HCN1: variants seen among roughly 807,000 people sequenced by gnomAD.
The protein encoded by HCN1 is potassium/sodium hyperpolarization-activated cyclic nucleotide-gated channel 1.
In HCN1, 13 loss-of-function variants were observed where a neutral mutation model predicts 78.9. The ratio of observed to expected loss-of-function variants is 0.16; its 90% CI spans 0.11 to 0.26. The LOEUF is 0.26. HCN1 is among the 10% of genes least tolerant of loss of function. The pLI, the probability that HCN1 is intolerant of heterozygous loss-of-function variation, is 1.00. For missense variants in HCN1, 810 were observed against 1,154.3 expected (o/e 0.70, Z 4.32); for synonymous variants, 552 against 455.5 (o/e 1.21, Z -2.70).
intron 3 of HCN1, among the ~76,000 whole-genome samples, chr5:45,429,896 G>A (rs1740428665): frequency 6.6e-6 from 1 of 152,088 alleles, no homozygotes. Context: ...GGGAGAAGTG[G>A]TGGGGATAGA....
intron 4 of HCN1, among the ~76,000 whole-genome samples, chr5:45,384,944 T>C (rs1307365978): frequency 6.6e-5 from 10 of 152,162 alleles, no homozygotes; most frequent in Non-Finnish European, 1.3e-4. Context: ...ATGAGGATCA[T>C]AAATAGAAAA....
At chr5:45,515,963 A>T (rs781594930) in intron 2 of HCN1, among the ~76,000 whole-genome samples, 1 of 152,072 alleles carries the variant, frequency 6.6e-6, no homozygotes, top group Middle Eastern at 3.4e-3. Flanking sequence ...ACAGAGAATG[A>T]CCCTTTCTGA....
rs937407870 is a variant in HCN1 at position 45,258,065 on chromosome 5, A to G, written c.*3856T>C. 2 of 152,192 alleles carry G rather than the reference A, an allele frequency of 1.3e-5. No individual in the cohort carries two copies. The highest frequency in any genetic ancestry group is 2.9e-5 in the Non-Finnish European group (2 of 68,040). The allele number at this position is 152,192 out of a possible 1,614,324, so 9.4% of individuals were successfully genotyped here. ...ACATGTTCTAAAAAGATAAAGATATAATGGAGAGATATCTCATTCAAACAG... is the reference window on the plus strand; with the variant it reads ...ACATGTTCTAAAAAGATAAAGATATGATGGAGAGATATCTCATTCAAACAG... On this transcript the variant is annotated 3_prime_UTR_variant, in exon 8 of 8. Coordinates refer to ENST00000303230, the MANE Select transcript of HCN1 (RefSeq NM_021072.4).
intron 2 of HCN1, among the ~76,000 whole-genome samples, chr5:45,596,002 G>A (rs1344059151): frequency 3.3e-5 from 5 of 151,064 alleles, no homozygotes; most frequent in Admixed American, 6.6e-5. Context: ...ACATTCTCCC[G>A]CCCCCGCCTC....
chr5:45,546,448 T>G (rs1042744956), intron 2 of HCN1, among the ~76,000 whole-genome samples: 3 of 151,922 alleles, frequency 2.0e-5, no homozygotes, highest in Non-Finnish European at 4.4e-5. Flanking sequence ...TCTGGACCAT[T>G]TAGAAATTCT....
At chr5:45,355,550 A>T (rs1746991346) in intron 4 of HCN1, among the ~76,000 whole-genome samples, 1 of 151,944 alleles carries the variant, frequency 6.6e-6, no homozygotes, top group African/African-American at 2.4e-5. Flanking sequence ...CGTGGGGGAA[A>T]CAAAGTAAAT....
intron 2 of HCN1, among the ~76,000 whole-genome samples, chr5:45,619,642 T>C (rs1037654291): frequency 2.7e-5 from 4 of 149,804 alleles, no homozygotes; most frequent in African/African-American, 7.3e-5. Context: ...ATGAGGGAGA[T>C]AGAAAAAAAA....
intron 5 of HCN1, among the ~76,000 whole-genome samples, chr5:45,351,892 G>T (rs980885293): frequency 3.3e-5 from 5 of 152,116 alleles, no homozygotes; most frequent in African/African-American, 9.7e-5. Context: ...TACTGGAGAG[G>T]ATGTGGAGAA....
At chr5:45,352,474 TGTAA>T (rs753448031) in intron 5 of HCN1, among the ~76,000 whole-genome samples, 14 of 152,076 alleles carry the variant, frequency 9.2e-5, no homozygotes, top group Non-Finnish European at 1.6e-4. Context: ...TGTATACATA[TGTAA>T]GTAACGTGCG....
At chr5:45,641,386 A>T (rs1427172900) in intron 2 of HCN1, among the ~76,000 whole-genome samples, 5 of 152,116 alleles carry the variant, frequency 3.3e-5, no homozygotes, top group African/African-American at 1.2e-4. Flanking sequence ...AAAATCTAAT[A>T]TTGGTTTCAA....
chr5:45,494,542 T>G (rs1408990862), intron 2 of HCN1, among the ~76,000 whole-genome samples: 2 of 152,036 alleles, frequency 1.3e-5, no homozygotes, highest in South Asian at 2.1e-4. Flanking sequence ...TTCTCCCATT[T>G]TGTGGGTTGC....
At chr5:45,653,670 T>C (rs1001609053) in intron 1 of HCN1, among the ~76,000 whole-genome samples, 2 of 152,048 alleles carry the variant, frequency 1.3e-5, no homozygotes, top group Non-Finnish European at 2.9e-5. Flanking sequence ...ATTATAGCAT[T>C]ACACAATTCT....
chr5:45,366,023 A>G (rs1233125641), intron 4 of HCN1, among the ~76,000 whole-genome samples: 1 of 151,896 alleles, frequency 6.6e-6, no homozygotes, highest in East Asian at 1.9e-4. Context: ...ATCTAGAGAT[A>G]CTATTTCACA....
chr5:45,338,595 C>T (rs969340907), intron 5 of HCN1, among the ~76,000 whole-genome samples: 2 of 150,754 alleles, frequency 1.3e-5, no homozygotes, highest in African/African-American at 2.5e-5. Flanking sequence ...CTTCTATGTG[C>T]CAGGCACTTT....
chr5:45,312,635 G>A (rs1302086434), intron 5 of HCN1, among the ~76,000 whole-genome samples: 1 of 152,232 alleles, frequency 6.6e-6, no homozygotes, highest in East Asian at 1.9e-4. Context: ...AGCTGTGACA[G>A]ACAGCACCTG....
rs980130181 is a variant in HCN1, at chr5:45,695,809, C to G, written c.285G>C (p.Gln95His). ...EGPRRQYGFM[Q>H]RQFTSMLQPG... ...GCTGCAGCATGGAGGTGAACTGCCT[C>G]TGCATGAAGCCGTACTGCCGCCGGG... The change falls in exon 1 of 8, where the codon CAG (glutamine) becomes CAC (histidine). Residue 95 changes from glutamine to histidine, a missense_variant. Gln to His is a conservative substitution (Grantham distance 24). This residue lies in a region of HCN1 where 170 missense variants were observed against 166.8 expected (regional missense o/e 1.02). Transcript: ENST00000303230. The G allele has an allele frequency of 1.2e-6, 2 of 1,609,862 alleles. No homozygotes were observed. Among genetic ancestry groups the G allele is most frequent in the African/African-American group, 2.7e-5 (2 of 74,810 alleles).
intron 2 of HCN1, among the ~76,000 whole-genome samples, chr5:45,532,018 C>T (rs1031896277): frequency 2.0e-5 from 3 of 152,114 alleles, no homozygotes; most frequent in Admixed American, 2.0e-4. Context: ...CCAGCCTGGG[C>T]GACAGAGCAA....
At chr5:45,536,741 A>G (rs998186735) in intron 2 of HCN1, among the ~76,000 whole-genome samples, 1 of 152,138 alleles carries the variant, frequency 6.6e-6, no homozygotes, top group Non-Finnish European at 1.5e-5. Context: ...CTAATTTTTA[A>G]TTGAATAATA....
chr5:45,527,818 T>C (rs189459588), intron 2 of HCN1, among the ~76,000 whole-genome samples: 126 of 152,084 alleles, frequency 8.3e-4, no homozygotes, highest in African/African-American at 3.0e-3. Flanking sequence ...TTCATTTGCA[T>C]GGCATATAGT....
Sources: allele counts gnomAD v4.1 joint callset (sites outside exome capture counted in the v4.1 genomes callset), GRCh38; gene constraint gnomAD v4.1.1; regional missense constraint gnomAD v4.1.1; transcripts MANE v1.5; gene names NCBI Gene and HGNC (gene_info 2026-07-23, HGNC 2026-07-21).